COLEC12: variants seen among roughly 807,000 people sequenced by gnomAD.
COLEC12 encodes collectin-12.
COLEC12 carries 33 observed loss-of-function variants against 71.1 expected under a neutral mutation model. The observed-to-expected ratio is 0.46, with a 90% confidence interval of 0.35 to 0.62. The LOEUF (loss-of-function observed/expected upper bound fraction) is 0.62. COLEC12 is among the 20% of genes least tolerant of loss of function. The pLI, the probability that COLEC12 is intolerant of heterozygous loss-of-function variation, is 0.00. For synonymous variants in COLEC12, 350 were observed against 353.0 expected, an observed-to-expected ratio of 0.99 and a Z score of 0.10; for missense variants, 765 against 916.1, an observed-to-expected ratio of 0.84 and a Z score of 2.13.
intron 2 of COLEC12, 108 bp from the exon 3 acceptor site, chr18:357,630 G>A (rs1914657279): frequency 4.7e-6 from 4 of 852,934 alleles, no homozygotes; most frequent in Admixed American, 2.8e-5. Context: ...TTTTACAAAT[G>A]CCTTACTATA....
intron 1 of COLEC12, among the ~76,000 whole-genome samples, chr18:494,555 C>T (rs1018469397): frequency 6.6e-6 from 1 of 152,146 alleles, no homozygotes; most frequent in Non-Finnish European, 1.5e-5. Context: ...GGTTTCAGAG[C>T]CCACACTCCT....
chr18:486,811 T>G (rs55817033), intron 1 of COLEC12, among the ~76,000 whole-genome samples: 2 of 152,336 alleles, frequency 1.3e-5, no homozygotes, highest in Non-Finnish European at 2.9e-5. Context: ...ACCAAAAAGA[T>G]AGACAACAAG....
chr18:366,176 GT>G (rs2143521099), intron 2 of COLEC12, among the ~76,000 whole-genome samples: 1 of 152,326 alleles, frequency 6.6e-6, no homozygotes, highest in East Asian at 1.9e-4. Context: ...ATGACAGAAG[GT>G]GATGAATGCT....
In COLEC12 at chr18:373,841, G is replaced by A. The variant is rs760817111; in HGVS notation, c.59-16319C>T. Among the ~76,000 whole-genome samples the A allele has an allele frequency of 6.2e-4, 94 of 152,144 alleles. No individual in the cohort carries two copies. The Middle Eastern group carries it at 0.01, about 17-fold the overall frequency. ...GTCCAGTACCGAATGATGCCAATAT[G>A]AGCCAATGGGACTTGAGGAACATGT... On this transcript the variant is annotated intron_variant, in intron 2 of 9. Transcript: ENST00000400256.
chr18:400,725 G>A (rs1915666623), intron 2 of COLEC12, among the ~76,000 whole-genome samples: 1 of 152,184 alleles, frequency 6.6e-6, no homozygotes, highest in African/African-American at 2.4e-5. Flanking sequence ...AATCATCACA[G>A]AAATGCCTGA....
At chr18:445,768 G>A (rs1916635496) in intron 2 of COLEC12, among the ~76,000 whole-genome samples, 1 of 151,880 alleles carries the variant, frequency 6.6e-6, no homozygotes, top group Non-Finnish European at 1.5e-5. Context: ...GAGTAGCTGG[G>A]ATTACGGGTG....
chr18:399,956 G>A lies in COLEC12; in HGVS notation c.59-42434C>T, dbSNP rs1419940405. Among the ~76,000 whole-genome samples the A allele has an allele frequency of 1.3e-5, 2 of 152,122 alleles. No individual in the cohort carries two copies. The highest frequency in any genetic ancestry group is 1.3e-4 in the Admixed American group (2 of 15,266). ...TTAAAGGGTGGTGGGGGCGGGTGGGGGATAGTGACTGAAGAGGCTGTATTT... is the reference window on the plus strand; with the variant it reads ...TTAAAGGGTGGTGGGGGCGGGTGGGAGATAGTGACTGAAGAGGCTGTATTT... On this transcript the variant is annotated intron_variant, in intron 2 of 9. Transcript: ENST00000400256. The surrounding 1 kb of genome is among the most constrained non-coding windows in gnomAD (Gnocchi z 4.0).
At chr18:401,135 T>A (rs537314513) in intron 2 of COLEC12, among the ~76,000 whole-genome samples, 2 of 152,230 alleles carry the variant, frequency 1.3e-5, no homozygotes, top group African/African-American at 4.8e-5. Flanking sequence ...GTAGACTTTG[T>A]CTTCCATGTG....
intron 2 of COLEC12, among the ~76,000 whole-genome samples, chr18:376,211 T>C (rs1169208441): frequency 6.6e-6 from 1 of 152,184 alleles, no homozygotes; most frequent in African/African-American, 2.4e-5. Flanking sequence ...AAGTGGGGAA[T>C]AATGGCTCCA....
chr18:438,692 TC>T (rs1916453079), intron 2 of COLEC12, among the ~76,000 whole-genome samples: 1 of 151,276 alleles, frequency 6.6e-6, no homozygotes, highest in Admixed American at 6.6e-5. Flanking sequence ...ATGCCTGTAG[TC>T]CCAGCTACTT....
At chr18:406,905 G>A (rs1915802323) in intron 2 of COLEC12, among the ~76,000 whole-genome samples, 2 of 152,378 alleles carry the variant, frequency 1.3e-5, no homozygotes, top group South Asian at 2.1e-4. Context: ...CCTCAGGAGC[G>A]ATGACGGGAC....
chr18:333,038 T>C lies in COLEC12; in HGVS notation c.1922A>G (p.His641Arg). 1 of 1,607,990 alleles carries C rather than the reference T, an allele frequency of 6.2e-7. No homozygotes were observed. The highest frequency in any genetic ancestry group is 1.7e-5 in the Admixed American group (1 of 58,148). Residue 641 changes from histidine (H) to arginine (R), a missense_variant, in exon 7 of 10, where the codon CAT becomes CGT. By Grantham distance (29) the His-to-Arg change is conservative. Coordinates refer to ENST00000400256, the MANE Select transcript of COLEC12 (RefSeq NM_130386.3). ...AKLFCEDKSS[H>R]LVFINTREEQ... The stretch of plus-strand genomic sequence containing the variant: ...CTCTCTAGTGTTTATGAAAACAAGA[T>C]GTGAAGACTTGTCTTCACAGAAAAG...
chr18:371,279 T>C (rs1263541336), intron 2 of COLEC12, among the ~76,000 whole-genome samples: 2 of 152,202 alleles, frequency 1.3e-5, no homozygotes, highest in Non-Finnish European at 2.9e-5. Context: ...AGCACTCATT[T>C]ACTAGGGTAT....
At chr18:430,394 T>C (rs750891679) in intron 2 of COLEC12, among the ~76,000 whole-genome samples, 5 of 152,126 alleles carry the variant, frequency 3.3e-5, no homozygotes, top group African/African-American at 4.8e-5. Context: ...ATACTCCATA[T>C]CTAGATAACT....
At chr18:326,364 T>C (rs1316279269) in intron 8 of COLEC12, among the ~76,000 whole-genome samples, 1 of 152,222 alleles carries the variant, frequency 6.6e-6, no homozygotes, top group Admixed American at 6.5e-5. Context: ...TTTGTTTTTT[T>C]TGAGATGGAG....
intron 2 of COLEC12, among the ~76,000 whole-genome samples, chr18:369,399 T>A (rs1188644711): frequency 7.7e-6 from 1 of 129,420 alleles, no homozygotes; most frequent in Non-Finnish European, 1.6e-5. Flanking sequence ...TTTTTTTTAT[T>A]TTTTTTTATT....
chr18:321,042 A>G (rs1913691441), intron 9 of COLEC12, among the ~76,000 whole-genome samples: 1 of 152,086 alleles, frequency 6.6e-6, no homozygotes, highest in Non-Finnish European at 1.5e-5. Context: ...GAAAAGAACT[A>G]ACATTGGTGC....
Position 362,931 on chromosome 18 carries a change from A to G in COLEC12, c.59-5409T>C, listed in dbSNP as rs1914777843. 6.6e-6 allele frequency among the ~76,000 whole-genome samples: 1 copy of G among 152,260 alleles called. No homozygotes were observed. Among genetic ancestry groups the G allele is most frequent in the East Asian group, 1.9e-4 (1 of 5,186 alleles). Reference sequence around the variant, plus strand: ...CTCTGGTTAACTCCTTGAGTATTCCATGGAAGTTCAGAATAGGCTGACAAT... The same window carrying G: ...CTCTGGTTAACTCCTTGAGTATTCCGTGGAAGTTCAGAATAGGCTGACAAT... On this transcript the variant is annotated intron_variant, in intron 2 of 9. Coordinates refer to ENST00000400256, the MANE Select transcript of COLEC12 (RefSeq NM_130386.3). This position sits in a 1 kb window ranked among gnomAD's most constrained non-coding sequence, Gnocchi z 4.6.
At chr18:321,282 A>G (rs1266041575) in intron 9 of COLEC12, among the ~76,000 whole-genome samples, 2 of 152,136 alleles carry the variant, frequency 1.3e-5, no homozygotes, top group African/African-American at 4.8e-5. Context: ...TCAAACTCCC[A>G]ACATCAGGTG....
Sources: gnomAD v4.1 joint callset for allele counts (sites outside exome capture counted in the v4.1 genomes callset) on GRCh38, gnomAD v4.1.1 for gene constraint, Gnocchi (gnomAD v3.1) non-coding constraint, MANE v1.5 for transcripts, NCBI Gene and HGNC (gene_info 2026-07-23, HGNC 2026-07-21) for gene names.